Variants in CACNA1C observed in about 807,000 individuals in gnomAD.
CACNA1C encodes calcium voltage-gated channel subunit alpha1 C, also known as voltage-dependent L-type calcium channel subunit alpha-1C.
In CACNA1C, 30 loss-of-function variants were observed where a neutral mutation model predicts 229.0. The ratio of observed to expected loss-of-function variants is 0.13; its 90% CI spans 0.10 to 0.18. The LOEUF (loss-of-function observed/expected upper bound fraction) is 0.18. CACNA1C is among the 10% of genes least tolerant of loss of function. The probability of loss-of-function intolerance (pLI) is 1.00; values close to 1 mark genes in which losing one functional copy is unlikely to be tolerated. For synonymous variants in CACNA1C, 1,114 were observed against 1,132.5 expected, an observed-to-expected ratio of 0.98 and a Z score of 0.33; for missense variants, 1,658 against 2,845.0, an observed-to-expected ratio of 0.58 and a Z score of 9.49.
At chr12:2,102,738 C>T (rs117091857) in intron 1 of CACNA1C, among the ~76,000 whole-genome samples, 2,503 of 152,290 alleles carry the variant, frequency 0.016, 29 homozygotes, top group South Asian at 0.038. Context: ...CCCCTATCCC[C>T]GTACTCCCCG....
At chr12:2,624,266 C>T (rs1174010243) in intron 29 of CACNA1C, among the ~76,000 whole-genome samples, 1 of 152,152 alleles carries the variant, frequency 6.6e-6, no homozygotes, top group Non-Finnish European at 1.5e-5. Context: ...TAGTGTTTAG[C>T]GGGTGGGACT....
rs572603190 is a variant in CACNA1C at position 2,609,075 on chromosome 12, G to A, written c.3558+363G>A. Among the ~76,000 whole-genome samples the A allele has an allele frequency of 5.9e-5, 9 of 152,346 alleles. 1 individual carries two copies. Among genetic ancestry groups the A allele is most frequent in the East Asian group, 5.8e-4 (3 of 5,190 alleles). ...GGAGAGAAACTAGAACTGTGAGGGA[G>A]TGAGGGCTTTTGGGGTGGGGAACAG... On this transcript the variant is annotated intron_variant, in intron 27 of 46. Coordinates refer to ENST00000399655, the MANE Select transcript of CACNA1C (RefSeq NM_000719.7).
intron 3 of CACNA1C, among the ~76,000 whole-genome samples, chr12:2,229,666 T>C (rs2064138827): frequency 1.3e-5 from 2 of 152,124 alleles, no homozygotes; most frequent in African/African-American, 4.8e-5. Flanking sequence ...GAGCACCATC[T>C]ATGGGAATGA....
chr12:2,367,068 T>G (rs2097742688), intron 3 of CACNA1C, among the ~76,000 whole-genome samples: 1 of 152,018 alleles, frequency 6.6e-6, no homozygotes, highest in Admixed American at 6.6e-5. Context: ...TTTGGGTGGG[T>G]ACACAGAGCC....
chr12:2,163,850 CTG>C (rs2096059567), intron 3 of CACNA1C, among the ~76,000 whole-genome samples: 1 of 152,188 alleles, frequency 6.6e-6, no homozygotes, highest in African/African-American at 2.4e-5. Flanking sequence ...TAAAACATAA[CTG>C]GAGCCACCTG....
rs542133293 is a variant in CACNA1C, at chr12:2,653,761, C to T, written c.4075-74C>T. The T allele has an allele frequency of 4.3e-5, 55 of 1,269,388 alleles. No homozygotes were observed. Among genetic ancestry groups the T allele is most frequent in the Admixed American group, 8.7e-5 (5 of 57,294 alleles). The allele number at this position is 1,269,388 out of a possible 1,614,324, so 78.6% of individuals were successfully genotyped here. ...GCTGATGGCTGCAGAGACAGGGATG[C>T]GGCGCTCCCTGGGAAGGGGCCCAGC... is the stretch of plus-strand genomic sequence containing the variant. On this transcript the variant is annotated intron_variant, in intron 32 of 46. Transcript: ENST00000399655. This position sits in a 1 kb window ranked among gnomAD's most constrained non-coding sequence, Gnocchi z 4.7.
At position 2,144,155 on chromosome 12, in the gene CACNA1C, G is replaced by A. The variant is rs1400335948; in HGVS notation, c.477+23725G>A. ...CAACTAAGACACATGGAAAAATTAG[G>A]AGCTATCTGCAGGATTCTGACTGTA... On this transcript the variant is annotated intron_variant, in intron 3 of 46. Coordinates refer to ENST00000399655, the MANE Select transcript of CACNA1C (RefSeq NM_000719.7). Among the ~76,000 whole-genome samples the A allele has an allele frequency of 9.3e-5, 14 of 151,250 alleles. 2 individuals are homozygous for A. The Admixed American group carries it at 9.3e-4, about 10-fold the overall frequency.
At chr12:2,024,437 C>T (rs1184158094) in intron 1 of CACNA1C, among the ~76,000 whole-genome samples, 1 of 152,210 alleles carries the variant, frequency 6.6e-6, no homozygotes, top group Non-Finnish European at 1.5e-5. Flanking sequence ...GTCTCCATGT[C>T]AGACTCCCAG....
chr12:2,486,999 A>G lies in CACNA1C; in HGVS notation c.916+737A>G, dbSNP rs541445823. Reference sequence around the variant, plus strand: ...CTCATTAGGCGCTTCCCTGCGTGGCACTGGAGTTTTGGCTTGCAGGATATG... The same window carrying G: ...CTCATTAGGCGCTTCCCTGCGTGGCGCTGGAGTTTTGGCTTGCAGGATATG... On this transcript the variant is annotated intron_variant, in intron 6 of 46. Transcript: ENST00000399655. This position sits in a 1 kb window ranked among gnomAD's most constrained non-coding sequence, Gnocchi z 4.9. Among the ~76,000 whole-genome samples the G allele has an allele frequency of 3.9e-5, 6 of 152,304 alleles. No individual in the cohort carries two copies. The East Asian group carries it at 1.2e-3, about 29-fold the overall frequency.
intron 1 of CACNA1C, among the ~76,000 whole-genome samples, chr12:2,061,393 A>C (rs1010880594): frequency 1.3e-5 from 2 of 152,210 alleles, no homozygotes; most frequent in Non-Finnish European, 2.9e-5. Context: ...ATGTAAAACA[A>C]AGAGAAACCA....
At chr12:2,312,356 T>C (rs2095483474) in intron 3 of CACNA1C, among the ~76,000 whole-genome samples, 2 of 152,208 alleles carry the variant, frequency 1.3e-5, no homozygotes, top group Admixed American at 1.3e-4. Context: ...ACATGCGAGC[T>C]GTTCTGTTGT....
chr12:2,534,738 T>C (rs1211932881), intron 9 of CACNA1C, among the ~76,000 whole-genome samples: 2 of 152,236 alleles, frequency 1.3e-5, no homozygotes, highest in East Asian at 3.9e-4. Context: ...TCTCCTTCTT[T>C]AGTGCAGTGC....
rs529345041 is a variant in CACNA1C at position 2,668,925 on chromosome 12, G to T, written c.4624-8G>T. ...ATCATCACCAGCTTTGCTTCTCTTC[G>T]CCTGCAGCGCCTGGTCTCCATGAAC... On this transcript the variant is annotated splice_polypyrimidine_tract_variant and splice_region_variant and intron_variant, in intron 37 of 46. Transcript: ENST00000399655. 5.0e-6 allele frequency: 8 copies of T among 1,607,290 alleles called. No individual in the cohort carries two copies. Among genetic ancestry groups the T allele is most frequent in the Non-Finnish European group, 6.8e-6 (8 of 1,173,970 alleles).
At chr12:2,298,790 T>A (rs1329469476) in intron 3 of CACNA1C, among the ~76,000 whole-genome samples, 1 of 152,196 alleles carries the variant, frequency 6.6e-6, no homozygotes, top group Non-Finnish European at 1.5e-5. Flanking sequence ...CCAAGTCGGT[T>A]CCTATCTTTG....
At chr12:1,982,122 G>T (rs551225843) in intron 1 of CACNA1C, among the ~76,000 whole-genome samples, 1 of 152,284 alleles carries the variant, frequency 6.6e-6, no homozygotes, top group Admixed American at 6.5e-5. Flanking sequence ...GGTTTTGGAT[G>T]GAGGGGATAA....
intron 29 of CACNA1C, among the ~76,000 whole-genome samples, chr12:2,629,226 C>T (rs2089026620): frequency 6.6e-6 from 1 of 152,172 alleles, no homozygotes; most frequent in Non-Finnish European, 1.5e-5. Context: ...TTGTTTTAAG[C>T]GATTGCACAC....
chr12:2,649,866 C>G lies in CACNA1C; in HGVS notation c.3945+1359C>G, dbSNP rs1401408097. Reference sequence around the variant, plus strand: ...TAAAATCCTAAGCCTCCTCTGCATACTCCTCTGGGGAAACACAACCTCCTT... The same window carrying G: ...TAAAATCCTAAGCCTCCTCTGCATAGTCCTCTGGGGAAACACAACCTCCTT... On this transcript the variant is annotated intron_variant, in intron 31 of 46. Transcript: ENST00000399655. This position sits in a 1 kb window ranked among gnomAD's most constrained non-coding sequence, Gnocchi z 4.4. Among the ~76,000 whole-genome samples, 2 of 151,952 alleles carry G rather than the reference C, an allele frequency of 1.3e-5. No homozygotes were observed. The highest frequency in any genetic ancestry group is 6.6e-5 in the Admixed American group (1 of 15,262).
At chr12:2,009,172 A>G (rs2043976041) in intron 1 of CACNA1C, among the ~76,000 whole-genome samples, 1 of 152,230 alleles carries the variant, frequency 6.6e-6, no homozygotes, top group African/African-American at 2.4e-5. Flanking sequence ...TGTCATTATG[A>G]GATTAAACAT....
intron 3 of CACNA1C, among the ~76,000 whole-genome samples, chr12:2,357,543 A>G (rs1179351089): frequency 6.6e-6 from 1 of 151,938 alleles, no homozygotes. Context: ...CATAATTGCT[A>G]ATTAGTGAAC....
Sources: gnomAD v4.1 joint callset for allele counts (sites outside exome capture counted in the v4.1 genomes callset) on GRCh38, gnomAD v4.1.1 for gene constraint, Gnocchi (gnomAD v3.1) non-coding constraint, MANE v1.5 for transcripts, NCBI Gene and HGNC (gene_info 2026-07-23, HGNC 2026-07-21) for gene names.